The following SETD6 variants were observed in gnomAD, a reference collection of about 807,000 sequenced individuals.
SETD6 encodes the protein SET domain containing 6, protein lysine methyltransferase.
SETD6 carries 67 observed loss-of-function variants against 52.7 expected under a neutral mutation model. That is an observed-to-expected ratio of 1.27 (90% confidence interval 1.04 to 1.56). SETD6 has a LOEUF of 1.56. Ranked by LOEUF, SETD6 falls within the 40% of genes most tolerant of loss-of-function variation. The pLI, the probability that SETD6 is intolerant of heterozygous loss-of-function variation, is 0.00. For missense variants in SETD6, 712 were observed against 607.5 expected (o/e 1.17, Z -1.81); for synonymous variants, 307 against 250.2 (o/e 1.23, Z -2.14).
At position 58,522,309 on chromosome 16, in the gene SETD6, C is replaced by T. The variant is rs1047218288; in HGVS notation, c.*3280C>T. Among the ~76,000 whole-genome samples the T allele has an allele frequency of 2.0e-5, 3 of 149,602 alleles. No individual in the cohort carries two copies. The highest frequency in any genetic ancestry group is 4.9e-5 in the African/African-American group (2 of 40,590). On this transcript the variant is annotated 3_prime_UTR_variant, in exon 8 of 8. Coordinates refer to ENST00000219315, the MANE Select transcript of SETD6 (RefSeq NM_001160305.4). ...CACATGTAAATTGGTAAAATTTTTC[C>T]GAATGCCAGTAAGCATTGGCTTAAC...
rs2039282144 is a variant in SETD6, at chr16:58,519,368, TAA to T, written c.*341_*342del. On this transcript the variant is annotated 3_prime_UTR_variant, in exon 8 of 8. Coordinates refer to ENST00000219315, the MANE Select transcript of SETD6 (RefSeq NM_001160305.4). Reference sequence around the variant, plus strand: ...AGACTTTGGAGGTAGACCCCTGGTTTAAATCTAAGTCTAGTTTGAGGAAGTCA... The same window carrying T: ...AGACTTTGGAGGTAGACCCCTGGTTTATCTAAGTCTAGTTTGAGGAAGTCA... 2 of 225,442 alleles carry T rather than the reference TAA, an allele frequency of 8.9e-6. No homozygotes were observed. Among genetic ancestry groups the T allele is most frequent in the Admixed American group, 1.0e-4 (2 of 19,364 alleles). 14.0% of individuals were successfully genotyped at this position (225,442 alleles called of 1,614,324 possible).
At chr16:58,515,725 G>C (rs993003872) in intron 1 of SETD6, 66 bp from the exon 2 acceptor site, 5 of 1,405,402 alleles carry the variant, frequency 3.6e-6, no homozygotes, top group African/African-American at 3.0e-5. Flanking sequence ...CTCGCGCCGC[G>C]GTCTCCTGCA....
intron 3 of SETD6, 59 bp downstream of exon 3, chr16:58,516,402 C>A: frequency 6.2e-7 from 1 of 1,601,470 alleles, no homozygotes; most frequent in South Asian, 1.1e-5. Flanking sequence ...CAAGAAGTTT[C>A]CCCGCCCCTG....
At position 58,523,828 on chromosome 16, in the gene SETD6, A is replaced by G; in HGVS notation, c.*4799A>G. ...ATCTCTAAGTCTTGCTTAATAAAAG[A>G]CAGCTGGATTCTCATTTCTGCTTCT... On this transcript the variant is annotated 3_prime_UTR_variant, in exon 8 of 8. Transcript: ENST00000219315. 4.8e-6 allele frequency: 1 copy of G among 206,746 alleles called. No individual in the cohort carries two copies. Among genetic ancestry groups the G allele is most frequent in the Non-Finnish European group, 9.8e-6 (1 of 101,972 alleles). The allele number at this position is 206,746 out of a possible 1,614,324, so 12.8% of individuals were successfully genotyped here.
At position 58,515,576 on chromosome 16, in the gene SETD6, G is replaced by C. The variant is rs748608884; in HGVS notation, c.27+12G>C. 2 of 1,565,854 alleles carry C rather than the reference G, an allele frequency of 1.3e-6. No homozygotes were observed. The highest frequency in any genetic ancestry group is 4.9e-5 in the East Asian group (2 of 41,058). ...CGAAGCGTCCACGGGTGAGTGGCGG[G>C]CGCGGGGTCCAGCCTTTTCCTCCGC... On this transcript the variant is annotated intron_variant, in intron 1 of 7. Transcript: ENST00000219315.
intron 7 of SETD6, 36 bp downstream of exon 7, chr16:58,518,579 T>G: frequency 6.3e-7 from 1 of 1,589,458 alleles, no homozygotes. Flanking sequence ...ATGCTGATAA[T>G]CTAAGTATTT....
intron 7 of SETD6, 58 bp downstream of exon 7, chr16:58,518,601 G>A: frequency 1.9e-6 from 3 of 1,581,960 alleles, no homozygotes; most frequent in East Asian, 2.2e-5. Flanking sequence ...AAGCAAAATA[G>A]CTAGAAGATG....
intron 1 of SETD6, 40 bp downstream of exon 1, chr16:58,515,604 C>A (rs750415378): frequency 2.0e-6 from 3 of 1,487,368 alleles, no homozygotes; most frequent in South Asian, 2.6e-5. Context: ...TCCTCCGCGC[C>A]TCACCCCTTC....
At position 58,518,915 on chromosome 16, in the gene SETD6, T is replaced by C. The variant is rs1407110198; in HGVS notation, c.1308T>C (p.Gly436=). 6.2e-7 allele frequency: 1 copy of C among 1,614,146 alleles called. No homozygotes were observed. Among genetic ancestry groups the C allele is most frequent in the Non-Finnish European group, 8.5e-7 (1 of 1,180,026 alleles). ...CCACAGACTTAAAAACTGACCAAGGTTTACTCAGTAATAAGGAAGTCTATG... is the reference window on the plus strand; with the variant it reads ...CCACAGACTTAAAAACTGACCAAGGCTTACTCAGTAATAAGGAAGTCTATG... The part of the protein sequence containing the change: ...TYATDLKTDQ[G]LLSNKEVYAK... Residue 436 remains glycine, a synonymous_variant, in exon 8 of 8, where the codon GGT becomes GGC. Coordinates refer to ENST00000219315, the MANE Select transcript of SETD6 (RefSeq NM_001160305.4).
chr16:58,520,763 G>T lies in SETD6; in HGVS notation c.*1734G>T. On this transcript the variant is annotated 3_prime_UTR_variant, in exon 8 of 8. Coordinates refer to ENST00000219315, the MANE Select transcript of SETD6 (RefSeq NM_001160305.4). ...AGCATCTTCTAAATTTTGGCCAAGA[G>T]TCAAAAAAATGCATTTAAACTTTGG... is the stretch of plus-strand genomic sequence containing the variant. 1 of 593,132 alleles carries T rather than the reference G, an allele frequency of 1.7e-6. No homozygotes were observed. The allele number at this position is 593,132 out of a possible 1,614,324, so 36.7% of individuals were successfully genotyped here.
intron 6 of SETD6, 54 bp downstream of exon 6, chr16:58,518,285 C>A (rs1178964771): frequency 6.2e-7 from 1 of 1,607,632 alleles, no homozygotes; most frequent in African/African-American, 1.3e-5. Context: ...TATACCCATG[C>A]CTCAGGTTAA....
chr16:58,517,991 A>G, intron 5 of SETD6, 60 bp from the exon 6 acceptor site: 1 of 1,609,114 alleles, frequency 6.2e-7, no homozygotes. Flanking sequence ...TTAAGTGGAA[A>G]TAATCTTCAT....
Position 58,523,800 on chromosome 16 carries a change from C to T in SETD6, c.*4771C>T. ...CATCACTAAGTCTTTCTACATTTTG[C>T]AGATCTCTAAGTCTTGCTTAATAAA... On this transcript the variant is annotated 3_prime_UTR_variant, in exon 8 of 8. Coordinates refer to ENST00000219315, the MANE Select transcript of SETD6 (RefSeq NM_001160305.4). The T allele has an allele frequency of 4.1e-6, 1 of 242,222 alleles. No individual in the cohort carries two copies. The highest frequency in any genetic ancestry group is 8.1e-6 in the Non-Finnish European group (1 of 123,904). The allele number at this position is 242,222 out of a possible 1,614,324, so 15.0% of individuals were successfully genotyped here.
chr16:58,515,945 C>T lies in SETD6; in HGVS notation c.182C>T (p.Pro61Leu), dbSNP rs760603005. 3.3e-6 allele frequency: 5 copies of T among 1,523,838 alleles called. No individual in the cohort carries two copies. Among genetic ancestry groups the T allele is most frequent in the Non-Finnish European group, 4.4e-6 (5 of 1,144,026 alleles). 94.4% of individuals were successfully genotyped at this position (1,523,838 alleles called of 1,614,324 possible). The change falls in exon 2 of 8, where the codon CCT (proline) becomes CTT (leucine). Residue 61 changes from proline (P) to leucine (L), a missense_variant. Pro to Leu is a moderately conservative substitution (Grantham distance 98). Coordinates refer to ENST00000219315, the MANE Select transcript of SETD6 (RefSeq NM_001160305.4). ...GCGCGGGCTGCCCTGACCAGCCCTC[C>T]TGCTCAGGTGGCGGTCAGCCGGCAG... ...GGARAALTSP[P>L]AQVAVSRQGT...
rs1280930451 is a variant in SETD6, at chr16:58,518,540, A to ACC, written c.1113_1114insCC (p.Lys372ProfsTer30). On this transcript the variant is annotated frameshift_variant, in exon 7 of 8. Coordinates refer to ENST00000219315, the MANE Select transcript of SETD6 (RefSeq NM_001160305.4). LOFTEE classifies it high-confidence loss of function. The stretch of plus-strand genomic sequence containing the variant: ...CTGAAGAGGAGCTGACCACCACACT[A>ACC]AAGGTAAACGGCTGAAAATGGCCAT... 6.3e-7 allele frequency: 1 copy of ACC among 1,597,830 alleles called. No individual in the cohort carries two copies. The highest frequency in any genetic ancestry group is 2.2e-5 in the East Asian group (1 of 44,846).
In SETD6 at chr16:58,518,097, A is replaced by G. The variant is rs376598080; in HGVS notation, c.839A>G (p.Glu280Gly). ...VATQPIPKGHEIFNTYGQMAN... is the reference protein window; with the variant it reads ...VATQPIPKGHGIFNTYGQMAN... ...ACTCAGCCCATTCCTAAAGGCCATG[A>G]GATTTTCAACACTTATGGGCAAATG... The change falls in exon 6 of 8, where the codon GAG becomes GGG. Residue 280 changes from glutamate to glycine, a missense_variant. Physicochemically the swap from Glu to Gly is moderately conservative, Grantham distance 98. Transcript: ENST00000219315. 6.2e-7 allele frequency: 1 copy of G among 1,614,216 alleles called. No individual in the cohort carries two copies.
At position 58,516,914 on chromosome 16, in the gene SETD6, C is replaced by G; in HGVS notation, c.778C>G (p.Leu260Val). The change falls in exon 5 of 8, where the codon CTA becomes GTA. Residue 260 changes from leucine to valine, a missense_variant. Coordinates refer to ENST00000219315, the MANE Select transcript of SETD6 (RefSeq NM_001160305.4). The part of the protein sequence containing the change: ...LNHLANHNAN[L>V]EYSANCLRMV... The stretch of plus-strand genomic sequence containing the variant: ...CCACTTAGCCAATCACAACGCCAAT[C>G]TAGAATACTCTGCGGTGAGTGGAGT... The G allele has an allele frequency of 6.2e-7, 1 of 1,614,206 alleles. No individual in the cohort carries two copies. The highest frequency in any genetic ancestry group is 8.5e-7 in the Non-Finnish European group (1 of 1,180,040).
intron 1 of SETD6, 88 bp from the exon 2 acceptor site, chr16:58,515,703 G>A: frequency 7.1e-7 from 1 of 1,403,944 alleles, no homozygotes; most frequent in Non-Finnish European, 9.2e-7. Flanking sequence ...TCCACCCAAA[G>A]CCCGTTCTGC....
Position 58,522,993 on chromosome 16 carries a change from C to A in SETD6, c.*3964C>A, listed in dbSNP as rs2039458901. The A allele has an allele frequency of 6.4e-6, 1 of 156,806 alleles. No homozygotes were observed. Among genetic ancestry groups the A allele is most frequent in the African/African-American group, 2.4e-5 (1 of 41,562 alleles). 9.7% of individuals were successfully genotyped at this position (156,806 alleles called of 1,614,324 possible). A position where few individuals can be genotyped will look rare whatever the true frequency, so the allele number is the denominator to read the frequency against. On this transcript the variant is annotated 3_prime_UTR_variant, in exon 8 of 8. Transcript: ENST00000219315. ...GGGTGCAGTGGCTCACGCCTGTAATCCCAGCACTTTGGGAGGCTGAGGCGG... is the reference window on the plus strand; with the variant it reads ...GGGTGCAGTGGCTCACGCCTGTAATACCAGCACTTTGGGAGGCTGAGGCGG...
Sources: allele counts gnomAD v4.1 joint callset (sites outside exome capture counted in the v4.1 genomes callset), GRCh38; gene constraint gnomAD v4.1.1; transcripts MANE v1.5; gene names NCBI Gene and HGNC (gene_info 2026-07-23, HGNC 2026-07-21).